The following GLI2 variants were observed in gnomAD, a reference collection of about 807,000 sequenced individuals.
GLI2 encodes GLI family zinc finger 2.
A neutral mutation model predicts 78.9 loss-of-function variants in GLI2; 22 were observed. That is an observed-to-expected ratio of 0.28 (90% CI 0.20 to 0.40). GLI2 has a LOEUF of 0.40. Among genes scored for constraint, GLI2 ranks in the 10% least tolerant of loss-of-function variants. The pLI is 1.00. For missense variants in GLI2, 2,097 were observed against 2,213.2 expected (o/e 0.95, Z 1.05); for synonymous variants, 974 against 963.7 (o/e 1.01, Z -0.20).
At chr2:120,852,540 C>T (rs945400531) in intron 2 of GLI2, among the ~76,000 whole-genome samples, 1 of 152,172 alleles carries the variant, frequency 6.6e-6, no homozygotes, top group Admixed American at 6.5e-5. Flanking sequence ...GGATGGCATC[C>T]AGGACCAGTG....
Position 120,970,462 on chromosome 2 carries a change from T to C in GLI2, c.915T>C (p.Gly305=). ...AGCAGATTCTGAGCCAGCAGAGGGG[T>C]CTGGGGTCAGCCTTTGGACACACAC... ...AYQQILSQQR[G]LGSAFGHTPP... The change falls in exon 7 of 14, where the codon GGT becomes GGC. Residue 305 remains glycine, a synonymous_variant. Transcript: ENST00000361492. 6.2e-7 allele frequency: 1 copy of C among 1,611,240 alleles called. No homozygotes were observed. The highest frequency in any genetic ancestry group is 8.5e-7 in the Non-Finnish European group (1 of 1,179,510).
chr2:120,913,803 C>G (rs866201246), intron 2 of GLI2, among the ~76,000 whole-genome samples: 14 of 152,354 alleles, frequency 9.2e-5, no homozygotes, highest in African/African-American at 3.1e-4. Flanking sequence ...TTGTCTGTGG[C>G]AGGCCCTGCC....
chr2:120,942,703 G>T (rs551054595), intron 3 of GLI2, among the ~76,000 whole-genome samples: 3 of 152,166 alleles, frequency 2.0e-5, no homozygotes, highest in African/African-American at 7.2e-5. Flanking sequence ...CGGCACATAC[G>T]TGCTCCCAGG....
chr2:120,877,726 T>G (rs577282874), intron 2 of GLI2, among the ~76,000 whole-genome samples: 203 of 152,128 alleles, frequency 1.3e-3, no homozygotes, highest in African/African-American at 4.7e-3. Context: ...TGAATAATAT[T>G]TTTTCCTGTT....
intron 2 of GLI2, among the ~76,000 whole-genome samples, chr2:120,902,665 G>GCACATTA (rs1156467425): frequency 6.6e-6 from 1 of 152,254 alleles, no homozygotes; most frequent in Non-Finnish European, 1.5e-5. Context: ...GCCCTCCAGA[G>GCACATTA]GCTGTGCTGC....
chr2:120,743,956 T>A (rs1173391535), intron 1 of GLI2, among the ~76,000 whole-genome samples: 1 of 152,234 alleles, frequency 6.6e-6, no homozygotes, highest in African/African-American at 2.4e-5. Context: ...CTGCCTCTCC[T>A]TGCTGGCCAC....
At chr2:120,761,785 G>T (rs1432347326) in intron 1 of GLI2, among the ~76,000 whole-genome samples, 3 of 152,136 alleles carry the variant, frequency 2.0e-5, no homozygotes, top group African/African-American at 7.2e-5. Context: ...TCTCCCCAGG[G>T]CTCTGTGTTG....
intron 2 of GLI2, among the ~76,000 whole-genome samples, chr2:120,902,092 T>C (rs1199588644): frequency 2.0e-5 from 3 of 151,912 alleles, no homozygotes; most frequent in Non-Finnish European, 2.9e-5. Context: ...CCAAACTATA[T>C]GCTCAGTGTC....
At chr2:120,952,619 T>C (rs115251598) in intron 4 of GLI2, among the ~76,000 whole-genome samples, 302 of 152,346 alleles carry the variant, frequency 2.0e-3, no homozygotes, top group African/African-American at 6.9e-3. Flanking sequence ...AGGCAAATAG[T>C]TGTAGCCAGG....
At chr2:120,922,952 C>T (rs1210516852) in intron 2 of GLI2, among the ~76,000 whole-genome samples, 1 of 152,092 alleles carries the variant, frequency 6.6e-6, no homozygotes, top group Non-Finnish European at 1.5e-5. Context: ...CAACAGACGG[C>T]AGGCCCCACT....
At chr2:120,841,888 T>TGTGTGTGTGTGTGTGTGTGTGTGA (rs768879101) in intron 2 of GLI2, among the ~76,000 whole-genome samples, 77 of 150,902 alleles carry the variant, frequency 5.1e-4, no homozygotes, top group Non-Finnish European at 9.6e-4. Context: ...TGTGTGTGTG[T>TGTGTGTGTGTGTGTGTGTGTGTGA]GATGCTGGGC....
intron 2 of GLI2, among the ~76,000 whole-genome samples, chr2:120,845,880 A>G (rs2104592701): frequency 6.6e-6 from 1 of 152,334 alleles, no homozygotes; most frequent in South Asian, 2.1e-4. Context: ...CAGACTAAAT[A>G]TTACACAGGT....
At chr2:120,951,662 A>T (rs1681000308) in intron 4 of GLI2, 1 of 551,612 alleles carries the variant, frequency 1.8e-6, no homozygotes, top group East Asian at 2.9e-5. Flanking sequence ...TGCAAACCAT[A>T]TATGATCTAT....
intron 3 of GLI2, among the ~76,000 whole-genome samples, chr2:120,934,639 T>A (rs945968744): frequency 1.3e-5 from 2 of 152,168 alleles, no homozygotes; most frequent in African/African-American, 4.8e-5. Context: ...CATGGGGGCC[T>A]CACCTCCCTT....
intron 2 of GLI2, among the ~76,000 whole-genome samples, chr2:120,885,293 T>C (rs1677342504): frequency 6.6e-6 from 1 of 152,188 alleles, no homozygotes. Flanking sequence ...CAGGGCCATG[T>C]TGTCAGATGC....
At position 120,787,367 on chromosome 2, in the gene GLI2, C is replaced by T. The variant is rs537216129; in HGVS notation, c.-30-9924C>T. On this transcript the variant is annotated intron_variant, in intron 1 of 13. Transcript: ENST00000361492. The stretch of plus-strand genomic sequence containing the variant: ...ATGGTCCTTCGTCCCCTCTCAGAGT[C>T]TCCTGCAAGGATTTTCCACCCTCAG... Among the ~76,000 whole-genome samples the T allele has an allele frequency of 3.9e-5, 6 of 152,330 alleles. No individual in the cohort carries two copies. In the South Asian group the frequency reaches 1.2e-3, roughly 32 times the overall value.
intron 2 of GLI2, among the ~76,000 whole-genome samples, chr2:120,923,171 C>T (rs1353158986): frequency 6.6e-6 from 1 of 151,572 alleles, no homozygotes; most frequent in African/African-American, 2.4e-5. Context: ...CATACACACA[C>T]CACCTCCACA....
chr2:120,962,012 C>T (rs995763326), intron 5 of GLI2, among the ~76,000 whole-genome samples: 3 of 152,122 alleles, frequency 2.0e-5, no homozygotes, highest in African/African-American at 7.2e-5. Flanking sequence ...GGCTCCTGGG[C>T]ACACAGGCCG....
intron 5 of GLI2, among the ~76,000 whole-genome samples, chr2:120,958,464 C>T (rs1046128880): frequency 7.2e-5 from 11 of 152,236 alleles, no homozygotes; most frequent in East Asian, 1.9e-4. Flanking sequence ...CCAAGAGTGG[C>T]GTGTCACCCC....
Sources: allele counts gnomAD v4.1 joint callset (sites outside exome capture counted in the v4.1 genomes callset), GRCh38; gene constraint gnomAD v4.1.1; transcripts MANE v1.5; gene names NCBI Gene and HGNC (gene_info 2026-07-23, HGNC 2026-07-21).